The following FRY variants were observed in gnomAD, a reference collection of about 807,000 sequenced individuals.
FRY encodes protein furry homolog.
In FRY, 128 loss-of-function variants were observed where a neutral mutation model predicts 348.4. That is an observed-to-expected ratio of 0.37 (90% CI 0.32 to 0.43). The LOEUF (loss-of-function observed/expected upper bound fraction) is 0.43, where lower values mean the gene tolerates loss of function less well. FRY is among the 20% of genes least tolerant of loss of function. The pLI is 1.00. For synonymous variants in FRY, 1,370 were observed against 1,374.7 expected, an observed-to-expected ratio of 1.00 and a Z score of 0.08; for missense variants, 2,736 against 3,695.2, an observed-to-expected ratio of 0.74 and a Z score of 6.73.
At chr13:32,103,152 G>C (rs777755554) in intron 3 of FRY, among the ~76,000 whole-genome samples, 7 of 152,170 alleles carry the variant, frequency 4.6e-5, no homozygotes, top group Non-Finnish European at 8.8e-5. Context: ...GCGTGGCTCT[G>C]GGCTAGCTCT....
In FRY at chr13:32,078,777, A is replaced by G; in HGVS notation, c.71-57A>G. The G allele has an allele frequency of 2.4e-6, 3 of 1,228,194 alleles. No individual in the cohort carries two copies. The South Asian group carries it at 3.6e-5, about 15-fold the overall frequency. The allele number at this position is 1,228,194 out of a possible 1,614,324, so 76.1% of individuals were successfully genotyped here. ...TGATATTTATGGTTTAACACAGTCC[A>G]TCTGAATATTTATGACATTATTATC... On this transcript the variant is annotated intron_variant, in intron 1 of 60. Coordinates refer to ENST00000542859, the MANE Select transcript of FRY (RefSeq NM_023037.3).
In FRY at chr13:32,101,096, A is replaced by G. The variant is rs1317732861; in HGVS notation, c.271-867A>G. ...TCTAAATGAAACTCTGTACTCTTTG[A>G]TCAACATCTTCCATTTCCTCTCATT... On this transcript the variant is annotated intron_variant, in intron 2 of 60. Coordinates refer to ENST00000542859, the MANE Select transcript of FRY (RefSeq NM_023037.3). Among the ~76,000 whole-genome samples the G allele has an allele frequency of 2.6e-5, 4 of 152,162 alleles. No individual in the cohort carries two copies. The South Asian group carries it at 6.2e-4, about 24-fold the overall frequency.
chr13:32,210,981 A>G lies in FRY; in HGVS notation c.4538A>G (p.Asn1513Ser), dbSNP rs780558617. 1 of 1,613,948 alleles carries G rather than the reference A, an allele frequency of 6.2e-7. No individual in the cohort carries two copies. Among genetic ancestry groups the G allele is most frequent in the South Asian group, 1.1e-5 (1 of 91,070 alleles). ...PVNPIVQHCD[N>S]PPFYRFTASS... Reference sequence around the variant, plus strand: ...AACCCCATCGTCCAGCATTGTGACAACCCGCCCTTCTACCGCTTCACGGCC... The same window carrying G: ...AACCCCATCGTCCAGCATTGTGACAGCCCGCCCTTCTACCGCTTCACGGCC... Residue 1513 changes from asparagine to serine, a missense_variant, in exon 34 of 61, where the codon AAC becomes AGC. Asn to Ser is a conservative substitution (Grantham distance 46, BLOSUM62 1). Transcript: ENST00000542859.
At chr13:32,294,921 G>A (rs1426812997) in intron 60 of FRY, among the ~76,000 whole-genome samples, 3 of 152,062 alleles carry the variant, frequency 2.0e-5, no homozygotes, top group Admixed American at 6.6e-5. Flanking sequence ...AGCAAATAAG[G>A]TAAATGTTTT....
At chr13:32,273,222 CTTTTTT>C (rs552249398) in intron 55 of FRY, among the ~76,000 whole-genome samples, 2 of 124,174 alleles carry the variant, frequency 1.6e-5, no homozygotes, top group African/African-American at 3.1e-5. Context: ...TTTAACTGTT[CTTTTTT>C]TTTTTTTTTT....
At chr13:32,233,435 A>G (rs1225019813) in intron 41 of FRY, among the ~76,000 whole-genome samples, 1 of 152,236 alleles carries the variant, frequency 6.6e-6, no homozygotes, top group Non-Finnish European at 1.5e-5. Flanking sequence ...CATGAGCTTT[A>G]TCTTACATTT....
In FRY at chr13:32,249,646, G is replaced by A. The variant is rs201784319; in HGVS notation, c.7129G>A (p.Val2377Ile). 378 of 1,614,136 alleles carry A rather than the reference G, an allele frequency of 2.3e-4. 1 individual carries two copies. Among genetic ancestry groups the A allele is most frequent in the Non-Finnish European group, 3.0e-4 (354 of 1,180,026 alleles). ...SSTSSGSNSN[V>I]LVPVSWKRPQ... ...CACTTCCTCAGGCTCCAACTCCAAC[G>A]TCCTTGTTCCAGTGAGCTGGAAAAG... Residue 2377 changes from valine to isoleucine, a missense_variant, in exon 49 of 61, where the codon GTC becomes ATC. Val to Ile is a conservative substitution (Grantham distance 29). Transcript: ENST00000542859.
intron 55 of FRY, 126 bp from the exon 56 acceptor site, chr13:32,274,716 A>C: frequency 1.7e-6 from 1 of 583,190 alleles, no homozygotes; most frequent in Non-Finnish European, 3.0e-6. Context: ...AAAAAAAAAA[A>C]AAAAAAAAAA....
At chr13:32,265,087 C>T (rs9534017) in intron 53 of FRY, among the ~76,000 whole-genome samples, 28,831 of 152,170 alleles carry the variant, frequency 0.19, 3,204 homozygotes, top group South Asian at 0.25. Flanking sequence ...TTAGACAAGT[C>T]CCTTTCCCAC....
intron 3 of FRY, among the ~76,000 whole-genome samples, chr13:32,103,336 A>G (rs1265253780): frequency 8.5e-5 from 13 of 152,236 alleles, no homozygotes; most frequent in Non-Finnish European, 1.8e-4. Flanking sequence ...GTTTGGGGTT[A>G]CCATTTTGGA....
chr13:32,156,437 A>G (rs1438875793), intron 15 of FRY, among the ~76,000 whole-genome samples: 1 of 152,086 alleles, frequency 6.6e-6, no homozygotes, highest in African/African-American at 2.4e-5. Context: ...CCCTGTCTCT[A>G]CTAAAAATAC....
At chr13:32,118,572 T>A (rs1204397031) in intron 4 of FRY, among the ~76,000 whole-genome samples, 1 of 152,092 alleles carries the variant, frequency 6.6e-6, no homozygotes, top group Admixed American at 6.6e-5. Flanking sequence ...CGTATTGAAT[T>A]TTTTTTAGTG....
intron 27 of FRY, 95 bp downstream of exon 27, chr13:32,186,515 A>G: frequency 1.2e-6 from 1 of 828,084 alleles, no homozygotes; most frequent in South Asian, 1.4e-5. Context: ...TAAAATAAAT[A>G]ATACAATATC....
chr13:32,051,345 G>A (rs1249633720), intron 1 of FRY, among the ~76,000 whole-genome samples: 1 of 152,170 alleles, frequency 6.6e-6, no homozygotes. Flanking sequence ...AGCAGAGGAA[G>A]GGAGTGGTGA....
chr13:32,059,458 CAAAA>C lies in FRY; in HGVS notation c.71-19360_71-19357del, dbSNP rs10692049. Among the ~76,000 whole-genome samples the C allele has an allele frequency of 3.8e-3, 423 of 111,418 alleles. 5 individuals are homozygous for C. The highest frequency in any genetic ancestry group is 0.013 in the African/African-American group (402 of 30,844). The allele number at this position is 111,418 out of a possible 152,430, so 73.1% of individuals were successfully genotyped here. A position where few individuals can be genotyped will look rare whatever the true frequency, so the allele number is the denominator to read the frequency against. On this transcript the variant is annotated intron_variant, in intron 1 of 60. Coordinates refer to ENST00000542859, the MANE Select transcript of FRY (RefSeq NM_023037.3). Reference sequence around the variant, plus strand: ...ACTACTGTCTCAGAAACTTAGGAAGCAAAAAAAAAAAAAAAAAAATTTATAGAGA... The same window carrying C: ...ACTACTGTCTCAGAAACTTAGGAAGCAAAAAAAAAAAAAAATTTATAGAGA...
At chr13:32,067,552 T>G (rs1874341319) in intron 1 of FRY, among the ~76,000 whole-genome samples, 1 of 152,210 alleles carries the variant, frequency 6.6e-6, no homozygotes, top group Admixed American at 6.5e-5. Context: ...ATCTCCCTAA[T>G]TCATATAATT....
intron 2 of FRY, among the ~76,000 whole-genome samples, chr13:32,089,069 T>G (rs575107196): frequency 6.6e-6 from 1 of 152,240 alleles, no homozygotes; most frequent in Non-Finnish European, 1.5e-5. Flanking sequence ...GTCACTGTGA[T>G]GTAATATTGC....
intron 59 of FRY, among the ~76,000 whole-genome samples, chr13:32,293,697 C>T (rs548692485): frequency 4.3e-4 from 66 of 152,216 alleles, no homozygotes; most frequent in Admixed American, 1.2e-3. Context: ...CCAGTAACTT[C>T]GAGGGAAAAT....
At chr13:32,111,473 G>C (rs1439753537) in intron 3 of FRY, among the ~76,000 whole-genome samples, 3 of 152,138 alleles carry the variant, frequency 2.0e-5, no homozygotes, top group Non-Finnish European at 2.9e-5. Context: ...TCCAGTCTGG[G>C]CAACAGAGTG....
Sources: allele counts gnomAD v4.1 joint callset (sites outside exome capture counted in the v4.1 genomes callset), GRCh38; gene constraint gnomAD v4.1.1; transcripts MANE v1.5; gene names NCBI Gene and HGNC (gene_info 2026-07-23, HGNC 2026-07-21).